COX7B2: variants seen among roughly 807,000 people sequenced by gnomAD.
The protein encoded by COX7B2 is cytochrome c oxidase subunit 7B2, mitochondrial.
For missense variants in COX7B2, 109 were observed against 95.9 expected (o/e 1.14, Z -0.57); for synonymous variants, 37 against 32.1 (o/e 1.15, Z -0.51).
intron 2 of COX7B2, among the ~76,000 whole-genome samples, chr4:46,783,456 G>A (rs1335833051): frequency 2.0e-5 from 3 of 152,090 alleles, no homozygotes; most frequent in Non-Finnish European, 1.5e-5. Context: ...GGTCACTGGT[G>A]GTAAGTGAGA....
chr4:46,770,841 C>G (rs1716835584), intron 2 of COX7B2, among the ~76,000 whole-genome samples: 1 of 152,066 alleles, frequency 6.6e-6, no homozygotes, highest in Non-Finnish European at 1.5e-5. Context: ...GGATTAAAGA[C>G]TTAAAAATAA....
intron 2 of COX7B2, among the ~76,000 whole-genome samples, chr4:46,819,891 C>T (rs966648052): frequency 6.6e-6 from 1 of 152,294 alleles, no homozygotes; most frequent in South Asian, 2.1e-4. Context: ...TCCTGATCTA[C>T]TTAGATATGG....
At chr4:46,797,487 C>T (rs1415100381) in intron 2 of COX7B2, among the ~76,000 whole-genome samples, 1 of 152,196 alleles carries the variant, frequency 6.6e-6, no homozygotes, top group Non-Finnish European at 1.5e-5. Context: ...TGCTCAGCAG[C>T]AGGCCGAATT....
intron 2 of COX7B2, among the ~76,000 whole-genome samples, chr4:46,782,652 T>A (rs997218427): frequency 2.0e-5 from 3 of 152,318 alleles, no homozygotes; most frequent in Admixed American, 1.3e-4. Flanking sequence ...ACTCTTTGGG[T>A]CTGCGCCACT....
intron 2 of COX7B2, among the ~76,000 whole-genome samples, chr4:46,805,105 C>T (rs1718927150): frequency 6.6e-6 from 1 of 152,234 alleles, no homozygotes; most frequent in Non-Finnish European, 1.5e-5. Flanking sequence ...CCGCCAAGCC[C>T]ACACCCACCC....
chr4:46,745,703 G>A (rs1714983385), intron 2 of COX7B2, among the ~76,000 whole-genome samples: 1 of 152,106 alleles, frequency 6.6e-6, no homozygotes, highest in Admixed American at 6.5e-5. Context: ...GCTTATTTTA[G>A]TGAACTGATA....
chr4:46,767,723 A>T (rs1411564611), intron 2 of COX7B2, among the ~76,000 whole-genome samples: 2 of 152,250 alleles, frequency 1.3e-5, no homozygotes, highest in Admixed American at 1.3e-4. Context: ...AAGTATGTGA[A>T]AATAAAACAT....
At chr4:46,781,002 C>T (rs953563992) in intron 2 of COX7B2, among the ~76,000 whole-genome samples, 7 of 152,114 alleles carry the variant, frequency 4.6e-5, no homozygotes, top group African/African-American at 1.7e-4. Context: ...GTGTCTACAG[C>T]TGGTAATGGA....
chr4:46,804,806 T>A (rs1275470381), intron 2 of COX7B2, among the ~76,000 whole-genome samples: 1 of 152,256 alleles, frequency 6.6e-6, no homozygotes, highest in African/African-American at 2.4e-5. Flanking sequence ...TGGAGCTGCC[T>A]GCCAGTCCTG....
intron 1 of COX7B2, among the ~76,000 whole-genome samples, chr4:46,904,961 T>C (rs1720287122): frequency 6.6e-6 from 1 of 152,198 alleles, no homozygotes; most frequent in Non-Finnish European, 1.5e-5. Flanking sequence ...AATGGATTAC[T>C]TACTTACTTA....
At chr4:46,785,533 C>T (rs546535992) in intron 2 of COX7B2, among the ~76,000 whole-genome samples, 456 of 152,136 alleles carry the variant, frequency 3.0e-3, no homozygotes, top group Non-Finnish European at 5.0e-3. Flanking sequence ...CCACCACACC[C>T]GGCTATGATA....
intron 2 of COX7B2, among the ~76,000 whole-genome samples, chr4:46,823,869 A>G (rs1228257905): frequency 6.6e-6 from 1 of 151,952 alleles, no homozygotes; most frequent in Non-Finnish European, 1.5e-5. Flanking sequence ...CTGATCAAAA[A>G]GAGAGAGAAA....
At chr4:46,885,168 C>T (rs1419925853) in intron 1 of COX7B2, among the ~76,000 whole-genome samples, 2 of 151,678 alleles carry the variant, frequency 1.3e-5, no homozygotes, top group Non-Finnish European at 2.9e-5. Flanking sequence ...GACTTGTGGC[C>T]GTTTCCCACT....
intron 2 of COX7B2, among the ~76,000 whole-genome samples, chr4:46,842,806 G>A (rs1284527669): frequency 1.3e-5 from 2 of 151,998 alleles, no homozygotes; most frequent in Non-Finnish European, 2.9e-5. Context: ...TATCATTGTT[G>A]GACATTTAGG....
intron 2 of COX7B2, among the ~76,000 whole-genome samples, chr4:46,747,079 T>A (rs1459028372): frequency 6.6e-6 from 1 of 152,032 alleles, no homozygotes; most frequent in Non-Finnish European, 1.5e-5. Context: ...TGGAGTAAGT[T>A]TACCTATATA....
At chr4:46,744,481 T>C (rs1186533351) in intron 2 of COX7B2, among the ~76,000 whole-genome samples, 1 of 152,100 alleles carries the variant, frequency 6.6e-6, no homozygotes. Flanking sequence ...CAGCAGAACC[T>C]AGACCAAACC....
At chr4:46,762,411 TATATA>T (rs1716233617) in intron 2 of COX7B2, among the ~76,000 whole-genome samples, 1 of 137,576 alleles carries the variant, frequency 7.3e-6, no homozygotes, top group Non-Finnish European at 1.5e-5. Context: ...TATATAATAT[TATATA>T]ATATATATAT....
intron 2 of COX7B2, among the ~76,000 whole-genome samples, chr4:46,775,709 G>A (rs1304084440): frequency 6.6e-6 from 1 of 152,060 alleles, no homozygotes; most frequent in Non-Finnish European, 1.5e-5. Context: ...AGTAGATGGG[G>A]TTCAATGGGG....
chr4:46,810,937 A>AT (rs1404830899), intron 2 of COX7B2, among the ~76,000 whole-genome samples: 3 of 152,020 alleles, frequency 2.0e-5, no homozygotes, highest in African/African-American at 4.8e-5. Flanking sequence ...TGATAGATTT[A>AT]TTTTTTTCCT....
Sources: allele counts gnomAD v4.1 joint callset (sites outside exome capture counted in the v4.1 genomes callset), GRCh38; gene constraint gnomAD v4.1.1; transcripts MANE v1.5; gene names NCBI Gene and HGNC (gene_info 2026-07-23, HGNC 2026-07-21).